The following ANAPC2 variants were observed in gnomAD, a reference collection of about 807,000 sequenced individuals.
The protein encoded by ANAPC2 is anaphase-promoting complex subunit 2.
In ANAPC2, 29 loss-of-function variants were observed where a neutral mutation model predicts 84.3. The observed-to-expected ratio is 0.34, with a 90% confidence interval of 0.26 to 0.47. The LOEUF (loss-of-function observed/expected upper bound fraction) is 0.47. ANAPC2 is among the 20% of genes least tolerant of loss of function. ANAPC2 has a pLI of 1.00. For missense variants in ANAPC2, 857 were observed against 1,131.7 expected (o/e 0.76, Z 3.48); for synonymous variants, 571 against 479.4 (o/e 1.19, Z -2.50).
chr9:137,183,934 TC>T (rs1292201799), intron 4 of ANAPC2, 143 bp from the exon 5 acceptor site: 8 of 1,115,832 alleles, frequency 7.2e-6, no homozygotes, highest in Middle Eastern at 2.2e-4. Flanking sequence ...GCACCAGACA[TC>T]CCCCCGACAC....
At chr9:137,180,557 C>T (rs748103801) in intron 8 of ANAPC2, 30 bp from the exon 9 acceptor site, 30 of 1,612,172 alleles carry the variant, frequency 1.9e-5, no homozygotes, top group South Asian at 6.6e-5. Context: ...GGCAGGGGGT[C>T]GTGATGAGCC....
At chr9:137,181,922 A>C in intron 6 of ANAPC2, 60 bp from the exon 7 acceptor site, 1 of 1,534,538 alleles carries the variant, frequency 6.5e-7, no homozygotes, top group Non-Finnish European at 8.8e-7. Context: ...ACCTCCCACC[A>C]CTCATTCCAG....
At chr9:137,176,512 C>G (rs1834215577) in intron 10 of ANAPC2, 1 of 152,308 alleles carries the variant, frequency 6.6e-6, no homozygotes, top group Non-Finnish European at 1.5e-5. Context: ...AGAACTGTGG[C>G]AGCAGCTTTG....
intron 11 of ANAPC2, 79 bp from the exon 12 acceptor site, chr9:137,175,551 G>A (rs976525508): frequency 4.5e-5 from 66 of 1,482,442 alleles, no homozygotes; most frequent in Non-Finnish European, 5.5e-5. Flanking sequence ...CCGAGAGGTC[G>A]GGGGGCTCCC....
chr9:137,180,054 G>C (rs531191964), intron 10 of ANAPC2, 127 bp downstream of exon 10: 1 of 1,049,764 alleles, frequency 9.5e-7, no homozygotes. Context: ...AGAGGCGGCT[G>C]CGAGACAGGA....
chr9:137,177,695 G>A (rs1021956383), intron 10 of ANAPC2, among the ~76,000 whole-genome samples: 8 of 152,142 alleles, frequency 5.3e-5, no homozygotes, highest in Admixed American at 4.6e-4. Flanking sequence ...TGTGCCCCTC[G>A]AAAAATGACA....
Position 137,175,730 on chromosome 9 carries a change from G to A in ANAPC2, c.1998C>T (p.Ile666=). ...SVAVTPVQAV[I]LLYFQDQASW... ...CACCTTGGTCCTGAAAATACAGCAAGATCACCGCCTGTACTGGGGTGACCG... is the reference window on the plus strand; with the variant it reads ...CACCTTGGTCCTGAAAATACAGCAAAATCACCGCCTGTACTGGGGTGACCG... The change falls in exon 11 of 13, where the codon ATC becomes ATT. Residue 666 remains isoleucine (I), a synonymous_variant. Coordinates refer to ENST00000323927, the MANE Select transcript of ANAPC2 (RefSeq NM_013366.4). 6.2e-7 allele frequency: 1 copy of A among 1,611,688 alleles called. No individual in the cohort carries two copies. Among genetic ancestry groups the A allele is most frequent in the South Asian group, 1.1e-5 (1 of 90,958 alleles).
intron 1 of ANAPC2, 106 bp downstream of exon 1, chr9:137,188,310 G>C (rs1463915366): frequency 7.4e-7 from 1 of 1,357,488 alleles, no homozygotes; most frequent in South Asian, 1.3e-5. Flanking sequence ...GGACAGGACA[G>C]AGGCGGATGA....
rs143941181 is a variant in ANAPC2 at position 137,186,930 on chromosome 9, G to A, written c.740+551C>T. The A allele has an allele frequency of 3.0e-3, 491 of 165,696 alleles. 1 individual carries two copies. The highest frequency in any genetic ancestry group is 0.011 in the African/African-American group (469 of 41,792). The allele number at this position is 165,696 out of a possible 1,614,324, so 10.3% of individuals were successfully genotyped here. A position where few individuals can be genotyped will look rare whatever the true frequency, so the allele number is the denominator to read the frequency against. ...TCCACCTAAGACCTCTCAAGTAGCT[G>A]CATGGCTACACCCCCGTTCAATGTG... On this transcript the variant is annotated intron_variant, in intron 2 of 12. Transcript: ENST00000323927.
chr9:137,181,769 G>T lies in ANAPC2; in HGVS notation c.1380C>A (p.Asp460Glu), dbSNP rs746385223. 1.2e-6 allele frequency: 2 copies of T among 1,611,100 alleles called. No individual in the cohort carries two copies. Among genetic ancestry groups the T allele is most frequent in the South Asian group, 1.1e-5 (1 of 91,082 alleles). ...CCTGGCCTGTCTCCAGGCTCGCCGG[G>T]TCGGTCTTGGACAGCTCAACAGCCA... ...GDLAVELSKT[D>E]PASLETGQDS... is the part of the protein sequence containing the mutation. Residue 460 changes from aspartate (D) to glutamate (E), a missense_variant, in exon 7 of 13, where the codon GAC becomes GAA. Physicochemically the swap from Asp to Glu is conservative, Grantham distance 45. This residue lies in a region of ANAPC2 where 425 missense variants were observed against 595.5 expected (regional missense o/e 0.71). Coordinates refer to ENST00000323927, the MANE Select transcript of ANAPC2 (RefSeq NM_013366.4).
intron 8 of ANAPC2, 109 bp from the exon 9 acceptor site, chr9:137,180,636 G>A: frequency 6.4e-7 from 1 of 1,571,394 alleles, no homozygotes; most frequent in Non-Finnish European, 8.7e-7. Flanking sequence ...GCCTGTGTGG[G>A]CACCCCAATG....
chr9:137,178,133 C>T (rs1217361898), intron 10 of ANAPC2, among the ~76,000 whole-genome samples: 1 of 152,228 alleles, frequency 6.6e-6, no homozygotes, highest in Non-Finnish European at 1.5e-5. Context: ...GAAACAAACC[C>T]CTCTTTATGG....
intron 1 of ANAPC2, 148 bp downstream of exon 1, chr9:137,188,268 G>C: frequency 1.6e-6 from 2 of 1,288,096 alleles, no homozygotes; most frequent in South Asian, 2.9e-5. Flanking sequence ...GGAGCTGAAC[G>C]AAACGAAACG....
chr9:137,180,182 T>C lies in ANAPC2; in HGVS notation c.1889A>G (p.Lys630Arg). The C allele has an allele frequency of 6.2e-7, 1 of 1,613,372 alleles. No individual in the cohort carries two copies. Among genetic ancestry groups the C allele is most frequent in the South Asian group, 1.1e-5 (1 of 91,050 alleles). The change falls in exon 10 of 13, where the codon AAG becomes AGG. Residue 630 changes from lysine (K) to arginine (R), a missense_variant and splice_region_variant. Around this residue, in one of 3 missense-constraint regions of ANAPC2, gnomAD observed 425 missense variants for 595.5 expected, o/e 0.71. Transcript: ENST00000323927. Reference sequence around the variant, plus strand: ...TGGGGTGGCCTGGCATGGAGGTACCTTGAGCTGCTCATACTTCTTGCAGTA... The same window carrying C: ...TGGGGTGGCCTGGCATGGAGGTACCCTGAGCTGCTCATACTTCTTGCAGTA... ...EAYCKKYEQLKAMRTLSWKHT... is the reference protein window; with the variant it reads ...EAYCKKYEQLRAMRTLSWKHT...
At position 137,180,399 on chromosome 9, in the gene ANAPC2, G is replaced by A. The variant is rs770598543; in HGVS notation, c.1687-15C>T. On this transcript the variant is annotated splice_polypyrimidine_tract_variant and intron_variant, in intron 9 of 12. Coordinates refer to ENST00000323927, the MANE Select transcript of ANAPC2 (RefSeq NM_013366.4). ...TCCGCCATGTCCTGAGGAGGAGCCG[G>A]TGTCACGGGGGACCTGCGGGGCGGC... 4 of 1,612,602 alleles carry A rather than the reference G, an allele frequency of 2.5e-6. No homozygotes were observed. Among genetic ancestry groups the A allele is most frequent in the Middle Eastern group, 1.7e-4 (1 of 6,060 alleles).
intron 6 of ANAPC2, 97 bp from the exon 7 acceptor site, chr9:137,181,959 C>G (rs1834352644): frequency 9.0e-6 from 12 of 1,330,954 alleles, no homozygotes; most frequent in Non-Finnish European, 1.1e-5. Context: ...GCCAGCACCA[C>G]CGACCCTGCC....
intron 6 of ANAPC2, among the ~76,000 whole-genome samples, chr9:137,182,453 G>A (rs1393759466): frequency 6.6e-6 from 1 of 152,048 alleles, no homozygotes; most frequent in Non-Finnish European, 1.5e-5. Flanking sequence ...AGCTTGCAGT[G>A]AGCAGAGATC....
At chr9:137,183,333 T>C in intron 5 of ANAPC2, 91 bp from the exon 6 acceptor site, 1 of 1,126,220 alleles carries the variant, frequency 8.9e-7, no homozygotes, top group Non-Finnish European at 1.3e-6. Flanking sequence ...GCCATGCCGG[T>C]AGGTGGTCTA....
chr9:137,175,675 CG>C, intron 11 of ANAPC2, 32 bp downstream of exon 11: 1 of 1,595,918 alleles, frequency 6.3e-7, no homozygotes, highest in Non-Finnish European at 8.6e-7. Context: ...GCCGTGTGGC[CG>C]GGGCAGGCCA....
Sources: allele counts gnomAD v4.1 joint callset (sites outside exome capture counted in the v4.1 genomes callset), GRCh38; gene constraint gnomAD v4.1.1; regional missense constraint gnomAD v4.1.1; transcripts MANE v1.5; gene names NCBI Gene and HGNC (gene_info 2026-07-23, HGNC 2026-07-21).